The following PPP1R13B variants were observed in gnomAD, a reference collection of about 807,000 sequenced individuals.
PPP1R13B encodes the protein protein phosphatase 1 regulatory subunit 13B.
A neutral mutation model predicts 119.8 loss-of-function variants in PPP1R13B; 44 were observed. The ratio of observed to expected loss-of-function variants is 0.37; its 90% CI spans 0.29 to 0.47. The LOEUF (loss-of-function observed/expected upper bound fraction) is 0.47, where lower values mean the gene tolerates loss of function less well. Ranked by LOEUF, PPP1R13B falls within the 20% of genes least tolerant of loss-of-function variation. The pLI is 0.99. For missense variants in PPP1R13B, 1,227 were observed against 1,413.5 expected, an observed-to-expected ratio of 0.87 and a Z score of 2.12; for synonymous variants, 542 against 561.5, an observed-to-expected ratio of 0.97 and a Z score of 0.49.
rs1235429307 is a variant in PPP1R13B, at chr14:103,847,057, G to A, written c.9+242C>T. On this transcript the variant is annotated intron_variant, in intron 1 of 16. Coordinates refer to ENST00000202556, the MANE Select transcript of PPP1R13B (RefSeq NM_015316.3). The stretch of plus-strand genomic sequence containing the variant: ...GCCCCAAATGCATCTGCTTCTCCCC[G>A]CGGCCGCGGAGGCCGAGCAGGAAGG... 10 of 1,019,132 alleles carry A rather than the reference G, an allele frequency of 9.8e-6. No individual in the cohort carries two copies. In the East Asian group the frequency reaches 9.4e-4, roughly 96 times the overall value. The allele number at this position is 1,019,132 out of a possible 1,614,324, so 63.1% of individuals were successfully genotyped here. A position where few individuals can be genotyped will look rare whatever the true frequency, so the allele number is the denominator to read the frequency against.
At position 103,738,126 on chromosome 14, in the gene PPP1R13B, A is replaced by G. The variant is rs761780646; in HGVS notation, c.2865-266T>C. On this transcript the variant is annotated intron_variant, in intron 14 of 16. Coordinates refer to ENST00000202556, the MANE Select transcript of PPP1R13B (RefSeq NM_015316.3). This position sits in a 1 kb window ranked among gnomAD's most constrained non-coding sequence, Gnocchi z 5.6. ...ACACTGCATGGTGATGTGAATGTAC[A>G]TAACACACTGAAACACACATTTAAA... 3.3e-5 allele frequency among the ~76,000 whole-genome samples: 5 copies of G among 152,274 alleles called. No individual in the cohort carries two copies. Among genetic ancestry groups the G allele is most frequent in the Non-Finnish European group, 5.9e-5 (4 of 68,050 alleles).
intron 4 of PPP1R13B, among the ~76,000 whole-genome samples, chr14:103,778,316 C>T (rs1448224131): frequency 7.5e-6 from 1 of 133,322 alleles, no homozygotes; most frequent in Non-Finnish European, 1.5e-5. Context: ...AGCTGGAGTA[C>T]AGTGGTGCGA....
intron 3 of PPP1R13B, among the ~76,000 whole-genome samples, chr14:103,784,064 T>C (rs904912544): frequency 4.6e-5 from 7 of 152,054 alleles, no homozygotes; most frequent in Non-Finnish European, 7.4e-5. Flanking sequence ...TAATCCCAAC[T>C]ACTCGGGAGG....
Position 103,742,734 on chromosome 14 carries a change from T to A in PPP1R13B, c.1240A>T (p.Ser414Cys). The change falls in exon 10 of 17, where the codon AGC (serine) becomes TGC (cysteine). Residue 414 changes from serine (S) to cysteine (C), a missense_variant. Coordinates refer to ENST00000202556, the MANE Select transcript of PPP1R13B (RefSeq NM_015316.3). The surrounding 1 kb of genome is among the most constrained non-coding windows in gnomAD (Gnocchi z 4.9). ...CCCTGCTTGACAGACCCCTCCACGC[T>A]CGGATCCTTCCAGTCTGCACCGGCC... ...QVAGADWKDP[S>C]VEGSVKQGTV... 6.2e-7 allele frequency: 1 copy of A among 1,614,092 alleles called. No homozygotes were observed. Among genetic ancestry groups the A allele is most frequent in the Non-Finnish European group, 8.5e-7 (1 of 1,180,026 alleles).
At chr14:103,736,571 A>G (rs922698305) in intron 15 of PPP1R13B, 24 of 243,122 alleles carry the variant, frequency 9.9e-5, no homozygotes, top group Non-Finnish European at 1.8e-4. Flanking sequence ...TAATGAACAA[A>G]CTACACACAA....
rs530178840 is a variant in PPP1R13B, at chr14:103,779,066, T to C, written c.278-245A>G. Reference sequence around the variant, plus strand: ...ACTTTGGGAGGCCAAAGCAGGAAGATAGCTTGAGCCCATGAGTTCTAGACC... The same window carrying C: ...ACTTTGGGAGGCCAAAGCAGGAAGACAGCTTGAGCCCATGAGTTCTAGACC... On this transcript the variant is annotated intron_variant, in intron 3 of 16. Coordinates refer to ENST00000202556, the MANE Select transcript of PPP1R13B (RefSeq NM_015316.3). Among the ~76,000 whole-genome samples, 13 of 152,042 alleles carry C rather than the reference T, an allele frequency of 8.6e-5. No homozygotes were observed. In the South Asian group the frequency reaches 1.2e-3, roughly 15 times the overall value.
rs1007142991 is a variant in PPP1R13B at position 103,811,382 on chromosome 14, G to A, written c.10-13864C>T. ...AAGTACATATTTGATAAAGGACTTG[G>A]CCAGGTGTGGTGGTTCACACCTATA... is the stretch of plus-strand genomic sequence containing the variant. On this transcript the variant is annotated intron_variant, in intron 1 of 16. Transcript: ENST00000202556. Among the ~76,000 whole-genome samples, 30 of 152,152 alleles carry A rather than the reference G, an allele frequency of 2.0e-4. 1 individual carries two copies. The highest frequency in any genetic ancestry group is 1.2e-3 in the Admixed American group (19 of 15,260).
At chr14:103,782,503 T>C (rs2085360405) in intron 3 of PPP1R13B, among the ~76,000 whole-genome samples, 1 of 152,210 alleles carries the variant, frequency 6.6e-6, no homozygotes, top group Non-Finnish European at 1.5e-5. Flanking sequence ...GAAATGAAAC[T>C]GCTGGGTAAA....
At position 103,738,408 on chromosome 14, in the gene PPP1R13B, G is replaced by A; in HGVS notation, c.2864+271C>T. 1 of 496,620 alleles carries A rather than the reference G, an allele frequency of 2.0e-6. No homozygotes were observed. Among genetic ancestry groups the A allele is most frequent in the South Asian group, 2.2e-5 (1 of 45,384 alleles). 30.8% of individuals were successfully genotyped at this position (496,620 alleles called of 1,614,324 possible). ...CGGAACATATGAGAAGGGGAAGATGGAATGATTCACAGAATGCTTAGACTG... is the reference window on the plus strand; with the variant it reads ...CGGAACATATGAGAAGGGGAAGATGAAATGATTCACAGAATGCTTAGACTG... On this transcript the variant is annotated intron_variant, in intron 14 of 16. Transcript: ENST00000202556. The surrounding 1 kb of genome is among the most constrained non-coding windows in gnomAD (Gnocchi z 5.6).
chr14:103,768,684 C>G (rs947670062), intron 4 of PPP1R13B, among the ~76,000 whole-genome samples: 1 of 152,180 alleles, frequency 6.6e-6, no homozygotes, highest in African/African-American at 2.4e-5. Context: ...GCCTGCCTGC[C>G]TCAGCCTCCC....
intron 3 of PPP1R13B, among the ~76,000 whole-genome samples, chr14:103,783,655 G>A (rs922830986): frequency 2.2e-4 from 34 of 151,628 alleles, no homozygotes; most frequent in Admixed American, 1.5e-3. Context: ...GGGCTCAATC[G>A]ATCCTCCCAC....
At chr14:103,737,534 A>T in intron 15 of PPP1R13B, 160 bp downstream of exon 15, 1 of 938,282 alleles carries the variant, frequency 1.1e-6, no homozygotes, top group Non-Finnish European at 1.5e-6. Flanking sequence ...CATGATTGCG[A>T]CATTGCACTC....
At chr14:103,842,661 G>A (rs146376817) in intron 1 of PPP1R13B, among the ~76,000 whole-genome samples, 47 of 151,782 alleles carry the variant, frequency 3.1e-4, no homozygotes, top group African/African-American at 1.0e-3. Context: ...TTCTTGACTC[G>A]TCGATACTCT....
chr14:103,756,249 C>T (rs1171356193), intron 5 of PPP1R13B, among the ~76,000 whole-genome samples: 1 of 152,156 alleles, frequency 6.6e-6, no homozygotes, highest in Non-Finnish European at 1.5e-5. Context: ...GCCACTACAT[C>T]TGGCTAATTT....
intron 4 of PPP1R13B, among the ~76,000 whole-genome samples, chr14:103,776,826 C>T (rs2152013022): frequency 6.7e-6 from 1 of 149,900 alleles, no homozygotes; most frequent in African/African-American, 2.4e-5. Context: ...GAGCCCAGAT[C>T]AGGCCACTGC....
intron 5 of PPP1R13B, among the ~76,000 whole-genome samples, chr14:103,754,503 A>G (rs1431119707): frequency 2.2e-5 from 3 of 136,428 alleles, no homozygotes; most frequent in Non-Finnish European, 3.1e-5. Flanking sequence ...TGGAGGTTGC[A>G]GTGAGCTGAG....
intron 1 of PPP1R13B, among the ~76,000 whole-genome samples, chr14:103,821,408 C>A (rs1236741486): frequency 6.6e-6 from 1 of 152,132 alleles, no homozygotes; most frequent in Non-Finnish European, 1.5e-5. Flanking sequence ...GAAATTAAGT[C>A]ACAAAAGAGA....
chr14:103,788,414 C>CT (rs112427819), intron 2 of PPP1R13B, among the ~76,000 whole-genome samples: 1,915 of 152,264 alleles, frequency 0.013, 34 homozygotes, highest in African/African-American at 0.035. Context: ...TATTTTATCC[C>CT]TTTTCATTGT....
chr14:103,756,679 A>T (rs549400204), intron 5 of PPP1R13B, among the ~76,000 whole-genome samples: 8 of 152,248 alleles, frequency 5.3e-5, no homozygotes, highest in African/African-American at 1.9e-4. Flanking sequence ...TTCTTCTTGA[A>T]CATTAATACC....
Sources: allele counts gnomAD v4.1 joint callset (sites outside exome capture counted in the v4.1 genomes callset), GRCh38; gene constraint gnomAD v4.1.1; non-coding constraint Gnocchi (gnomAD v3.1); transcripts MANE v1.5; gene names NCBI Gene and HGNC (gene_info 2026-07-23, HGNC 2026-07-21).